AGRN: variants seen among roughly 807,000 people sequenced by gnomAD.
AGRN encodes the protein agrin.
In AGRN, 106 loss-of-function variants were observed where a neutral mutation model predicts 211.0. The observed-to-expected ratio is 0.50, with a 90% CI of 0.43 to 0.59. AGRN has a LOEUF of 0.59. Among genes scored for constraint, AGRN ranks in the 20% least tolerant of loss-of-function variants. AGRN has a pLI of 0.00. For synonymous variants in AGRN, 1,525 were observed against 1,332.5 expected (o/e 1.14, Z -3.15); for missense variants, 3,040 against 2,982.6 (o/e 1.02, Z -0.45).
In AGRN at chr1:1,049,798, G is replaced by C. The variant is rs1040952862; in HGVS notation, c.4744+3G>C. On this transcript the variant is annotated splice_donor_region_variant and intron_variant, in intron 26 of 35. Transcript: ENST00000379370. Reference sequence around the variant, plus strand: ...CCAGTGCCCGCCCGGCCGCGTCGGTGAGGGTGGGGCCGGGGCGGGTGGGAG... The same window carrying C: ...CCAGTGCCCGCCCGGCCGCGTCGGTCAGGGTGGGGCCGGGGCGGGTGGGAG... The C allele has an allele frequency of 2.5e-6, 4 of 1,601,068 alleles. No homozygotes were observed. Among genetic ancestry groups the C allele is most frequent in the Non-Finnish European group, 3.4e-6 (4 of 1,174,084 alleles).
At chr1:1,054,080 C>T (rs1272412141) in intron 34 of AGRN, 103 bp downstream of exon 34, 15 of 1,275,808 alleles carry the variant, frequency 1.2e-5, no homozygotes, top group East Asian at 5.1e-5. Context: ...AGGGAGGACA[C>T]GCCTTGCTGC....
chr1:1,052,076 G>T, intron 33 of AGRN: 1 of 1,462,200 alleles, frequency 6.8e-7, no homozygotes. Context: ...CCTTCCTGGT[G>T]GGGAGCAGAG....
chr1:1,048,070 G>A lies in AGRN; in HGVS notation c.3810G>A (p.Thr1270=), dbSNP rs369304443. 3.1e-5 allele frequency: 49 copies of A among 1,583,588 alleles called. No individual in the cohort carries two copies. Among genetic ancestry groups the A allele is most frequent in the African/African-American group, 1.5e-4 (11 of 74,472 alleles). The change falls in exon 23 of 36, where the codon ACG becomes ACA. Residue 1270 remains threonine (T), a synonymous_variant. Transcript: ENST00000379370. The surrounding 1 kb of genome is among the most constrained non-coding windows in gnomAD (Gnocchi z 5.9). ...ATSGAIAAGA[T]ARATTASRLP... is the part of the protein sequence containing the mutation. ...CAGGAGCCATTGCTGCGGGAGCCAC[G>A]GCCAGAGCCACCACTGCATCGCGCC...
rs374851159 is a variant in AGRN, at chr1:1,047,466, G to A, written c.3516+12G>A. ...GCATTGAGAGCACCGTAAGACGGGG[G>A]CGCAGCCCCCACCTACCCACTGGCC... is the stretch of plus-strand genomic sequence containing the variant. On this transcript the variant is annotated intron_variant, in intron 20 of 35. Transcript: ENST00000379370. 25 of 1,612,574 alleles carry A rather than the reference G, an allele frequency of 1.6e-5. No individual in the cohort carries two copies. The highest frequency in any genetic ancestry group is 2.0e-5 in the Non-Finnish European group (24 of 1,179,930).
chr1:1,021,882 C>T (rs549237953), intron 1 of AGRN, among the ~76,000 whole-genome samples: 3 of 152,346 alleles, frequency 2.0e-5, no homozygotes, highest in Non-Finnish European at 4.4e-5. Flanking sequence ...AGGCAGGCAC[C>T]CCAAGCCAGG....
chr1:1,046,213 C>T lies in AGRN; in HGVS notation c.2859C>T (p.Ile953=), dbSNP rs1183553057. 8 of 1,613,622 alleles carry T rather than the reference C, an allele frequency of 5.0e-6. No individual in the cohort carries two copies. Among genetic ancestry groups the T allele is most frequent in the African/African-American group, 2.7e-5 (2 of 75,030 alleles). The change falls in exon 17 of 36, where the codon ATC becomes ATT. Residue 953 remains isoleucine (I), a synonymous_variant. Coordinates refer to ENST00000379370, the MANE Select transcript of AGRN (RefSeq NM_198576.4). The stretch of plus-strand genomic sequence containing the variant: ...GCAACGAGTGTCAGCTGAAGACCAT[C>T]GCCTGCCGCCAGGGCCTGCAAATCT... The part of the protein sequence containing the change: ...TYGNECQLKT[I]ACRQGLQISI...
At chr1:1,041,916 G>C in intron 6 of AGRN, 40 bp from the exon 7 acceptor site, 1 of 1,604,690 alleles carries the variant, frequency 6.2e-7, no homozygotes, top group Non-Finnish European at 8.5e-7. Flanking sequence ...GATGGAGGGT[G>C]CTCCAGCCTC....
chr1:1,047,946 GC>G, intron 22 of AGRN, 51 bp downstream of exon 22: 2 of 1,584,680 alleles, frequency 1.3e-6, no homozygotes, highest in South Asian at 1.1e-5. Flanking sequence ...CTCTGCCCAT[GC>G]CCCTGCCCCT....
In AGRN at chr1:1,049,546, G is replaced by C. The variant is rs370560913; in HGVS notation, c.4515-20G>C. On this transcript the variant is annotated intron_variant, in intron 25 of 35. Coordinates refer to ENST00000379370, the MANE Select transcript of AGRN (RefSeq NM_198576.4). Reference sequence around the variant, plus strand: ...GCCTGTGGCCCCTGAGCCCTGACCCGGTGTCCCTCCTGGTGGCAGGGCGCT... The same window carrying C: ...GCCTGTGGCCCCTGAGCCCTGACCCCGTGTCCCTCCTGGTGGCAGGGCGCT... 1.4e-5 allele frequency: 22 copies of C among 1,589,518 alleles called. No individual in the cohort carries two copies. In the South Asian group the frequency reaches 2.5e-4, roughly 18 times the overall value.
At chr1:1,054,363 G>T in intron 34 of AGRN, 85 bp from the exon 35 acceptor site, 1 of 1,254,654 alleles carries the variant, frequency 8.0e-7, no homozygotes, top group Non-Finnish European at 1.1e-6. Context: ...CACCTGCAGG[G>T]CATAGGAAGG....
chr1:1,022,430 G>T lies in AGRN; in HGVS notation c.431G>T (p.Arg144Leu). The T allele has an allele frequency of 6.2e-7, 1 of 1,612,242 alleles. No individual in the cohort carries two copies. The highest frequency in any genetic ancestry group is 8.5e-7 in the Non-Finnish European group (1 of 1,179,048). The change falls in exon 2 of 36, where the codon CGG becomes CTG. Residue 144 changes from arginine to leucine, a missense_variant. This residue lies in a region of AGRN where 1,498 missense variants were observed against 1,457.8 expected (regional missense o/e 1.03). Coordinates refer to ENST00000379370, the MANE Select transcript of AGRN (RefSeq NM_198576.4). ...LNSSLMRITL[R>L]NLEEVEFCVE... ...TCCAGCCTCATGCGGATCACCCTGC[G>T]GAACCTGGAGGAGGTGGAGTTCTGT...
At position 1,047,560 on chromosome 1, in the gene AGRN, CT is replaced by C; in HGVS notation, c.3517-12del. Reference sequence around the variant, plus strand: ...GGGCGGCCCCCCAAGTCCTTGCCTACTCCCTGCCACAGCTGGACGACCTCTT... The same window carrying C: ...GGGCGGCCCCCCAAGTCCTTGCCTACCCCTGCCACAGCTGGACGACCTCTT... On this transcript the variant is annotated splice_polypyrimidine_tract_variant and intron_variant, in intron 20 of 35. Transcript: ENST00000379370. The C allele has an allele frequency of 6.2e-7, 1 of 1,612,538 alleles. No individual in the cohort carries two copies. The highest frequency in any genetic ancestry group is 8.5e-7 in the Non-Finnish European group (1 of 1,179,712).
chr1:1,034,939 C>CGGCT (rs1557693906), intron 2 of AGRN: 3 of 445,826 alleles, frequency 6.7e-6, no homozygotes, highest in Non-Finnish European at 1.2e-5. Flanking sequence ...GAGGGGCAGC[C>CGGCT]GGCTACACTG....
At position 1,049,065 on chromosome 1, in the gene AGRN, C is replaced by G. The variant is rs199977575; in HGVS notation, c.4298+6C>G. Reference sequence around the variant, plus strand: ...GATGGCCGCGTGCAGCTCAGGTGGGCGGGGAGGGGACGGGGCCGGGGCAGC... The same window carrying G: ...GATGGCCGCGTGCAGCTCAGGTGGGGGGGGAGGGGACGGGGCCGGGGCAGC... On this transcript the variant is annotated splice_donor_region_variant and intron_variant, in intron 24 of 35. Transcript: ENST00000379370. 1 of 1,049,688 alleles carries G rather than the reference C, an allele frequency of 9.5e-7. No individual in the cohort carries two copies. The highest frequency in any genetic ancestry group is 1.4e-6 in the Non-Finnish European group (1 of 730,460). 65.0% of individuals were successfully genotyped at this position (1,049,688 alleles called of 1,614,324 possible). A position where few individuals can be genotyped will look rare whatever the true frequency, so the allele number is the denominator to read the frequency against.
In AGRN at chr1:1,049,279, C is replaced by T; in HGVS notation, c.4342C>T (p.Pro1448Ser). 6.3e-7 allele frequency: 1 copy of T among 1,595,642 alleles called. No individual in the cohort carries two copies. The highest frequency in any genetic ancestry group is 1.7e-4 in the Middle Eastern group (1 of 6,050). The change falls in exon 25 of 36, where the codon CCG (proline) becomes TCG (serine). Residue 1448 changes from proline to serine, a missense_variant. Transcript: ENST00000379370. ...SGPAVLTSAV[P>S]VEPGQWHRLE... ...GCCGGCGGTGCTGACCAGTGCCGTG[C>T]CGGTAGAGCCGGGCCAGTGGCACCG...
rs1388198141 is a variant in AGRN, at chr1:1,031,851, ACGGC to A, written c.464-3424_464-3421del. Among the ~76,000 whole-genome samples, 3 of 152,188 alleles carry A rather than the reference ACGGC, an allele frequency of 2.0e-5. No homozygotes were observed. The highest frequency in any genetic ancestry group is 7.2e-5 in the African/African-American group (3 of 41,444). On this transcript the variant is annotated intron_variant, in intron 2 of 35. Coordinates refer to ENST00000379370, the MANE Select transcript of AGRN (RefSeq NM_198576.4). The surrounding 1 kb of genome is among the most constrained non-coding windows in gnomAD (Gnocchi z 4.8). ...GCGGGCTGGCGCGTGACCTGGTAGC[ACGGC>A]CTGGGTTTGACCCTGGCACTGCCCC...
In AGRN at chr1:1,045,825, T is replaced by C; in HGVS notation, c.2629T>C (p.Cys877Arg). 6 of 1,612,630 alleles carry C rather than the reference T, an allele frequency of 3.7e-6. No homozygotes were observed. The highest frequency in any genetic ancestry group is 5.1e-6 in the Non-Finnish European group (6 of 1,179,898). The change falls in exon 15 of 36, where the codon TGT becomes CGT. Residue 877 changes from cysteine (C) to arginine (R), a missense_variant. Coordinates refer to ENST00000379370, the MANE Select transcript of AGRN (RefSeq NM_198576.4). ...SCKPGVAGPK[C>R]GQCPDGRALG... ...TAAGCCCGGGGTGGCTGGACCCAAG[T>C]GTGGGCAGTGTCCAGACGGCCGTGC...
rs1330899764 is a variant in AGRN at position 1,047,796 on chromosome 1, G to A, written c.3652G>A (p.Asp1218Asn). The change falls in exon 22 of 36, where the codon GAC (aspartate) becomes AAC (asparagine). Residue 1218 changes from aspartate to asparagine, a missense_variant. By Grantham distance (23) the Asp-to-Asn change is conservative (BLOSUM62 1). This residue lies in a region of AGRN where 1,537 missense variants were observed against 1,505.0 expected (regional missense o/e 1.02). Coordinates refer to ENST00000379370, the MANE Select transcript of AGRN (RefSeq NM_198576.4). The part of the protein sequence containing the change: ...FDPTTAFRAP[D>N]VARALLRQIQ... ...CCCAGCCACAGCCTTCAGGGCACCC[G>A]ACGTGGCCCGGGCCCTGCTCCGGCA... The A allele has an allele frequency of 9.3e-6, 15 of 1,604,652 alleles. No homozygotes were observed. Among genetic ancestry groups the A allele is most frequent in the African/African-American group, 6.7e-5 (5 of 74,736 alleles).
chr1:1,049,925 G>A lies in AGRN; in HGVS notation c.4767G>A (p.Lys1589=), dbSNP rs376247667. ...CAGGACCAACCTGTGCCGATGAGAA[G>A]AGCCCCTGCCAGCCCAACCCCTGCC... The part of the protein sequence containing the change: ...GRVGPTCADE[K]SPCQPNPCHG... The change falls in exon 27 of 36, where the codon AAG becomes AAA. Residue 1589 remains lysine, a synonymous_variant. Coordinates refer to ENST00000379370, the MANE Select transcript of AGRN (RefSeq NM_198576.4). The A allele has an allele frequency of 4.8e-5, 77 of 1,610,458 alleles. No homozygotes were observed. The highest frequency in any genetic ancestry group is 3.1e-4 in the East Asian group (14 of 44,782).
Sources: gnomAD v4.1 joint callset for allele counts (sites outside exome capture counted in the v4.1 genomes callset) on GRCh38, gnomAD v4.1.1 for gene constraint, gnomAD v4.1.1 regional missense constraint, Gnocchi (gnomAD v3.1) non-coding constraint, MANE v1.5 for transcripts, NCBI Gene and HGNC (gene_info 2026-07-23, HGNC 2026-07-21) for gene names.